ANK3: variants seen among roughly 807,000 people sequenced by gnomAD.
ANK3 encodes the protein ankyrin-3.
Under a neutral mutation model 370.9 loss-of-function variants are expected in ANK3, and 57 were observed. The observed-to-expected ratio is 0.15, with a 90% CI of 0.12 to 0.19. The LOEUF is 0.19. Among genes scored for constraint, ANK3 ranks in the 10% least tolerant of loss-of-function variants. The pLI is 1.00. For missense variants in ANK3, 4,439 were observed against 5,302.1 expected (o/e 0.84, Z 5.06); for synonymous variants, 1,929 against 1,946.3 (o/e 0.99, Z 0.23).
intron 8 of ANK3, among the ~76,000 whole-genome samples, chr10:60,229,822 G>T (rs1035055954): frequency 6.6e-6 from 1 of 152,132 alleles, no homozygotes; most frequent in Admixed American, 6.5e-5. Flanking sequence ...CATTTAATAT[G>T]CACCAGGAAG....
At chr10:60,176,890 A>G (rs182038725) in intron 18 of ANK3, among the ~76,000 whole-genome samples, 175 of 152,306 alleles carry the variant, frequency 1.1e-3, no homozygotes, top group African/African-American at 4.1e-3. Flanking sequence ...TTTCCATCTT[A>G]GAAACAAAAA....
rs34300671 is a variant in ANK3, at chr10:60,469,601, GTATATA to G, written c.96+145579_96+145584del. Among the ~76,000 whole-genome samples the G allele has an allele frequency of 1.2e-3, 3 of 2,600 alleles. 1 individual carries two copies. Among genetic ancestry groups the G allele is most frequent in the Non-Finnish European group, 1.7e-3 (3 of 1,766 alleles). The allele number at this position is 2,600 out of a possible 152,430, so 1.7% of individuals were successfully genotyped here. A position where few individuals can be genotyped will look rare whatever the true frequency, so the allele number is the denominator to read the frequency against. ...TATATATATATATATATATATGGTG[GTATATA>G]TATATATATATATGGTGGTATATAT... On this transcript the variant is annotated intron_variant, in intron 2 of 43. Coordinates refer to the ANK3 transcript ENST00000373827.
chr10:60,500,806 G>T (rs2075776802), intron 2 of ANK3, among the ~76,000 whole-genome samples: 2 of 152,078 alleles, frequency 1.3e-5, no homozygotes, highest in Admixed American at 6.6e-5. Flanking sequence ...GCACTAGAGG[G>T]TATTAATATT....
chr10:60,667,493 G>T (rs1453304359), intron 1 of ANK3, among the ~76,000 whole-genome samples: 1 of 146,572 alleles, frequency 6.8e-6, no homozygotes, highest in Non-Finnish European at 1.5e-5. Context: ...GAAACCAAAT[G>T]ATATAAAAAT....
At chr10:60,084,865 G>A in intron 31 of ANK3, 35 bp from the exon 32 acceptor site, 4 of 1,452,464 alleles carry the variant, frequency 2.8e-6, no homozygotes, top group Non-Finnish European at 1.8e-6. Flanking sequence ...ATGAAAATGT[G>A]GCTATTTAAA....
chr10:60,508,873 T>C (rs2076007004), intron 2 of ANK3, among the ~76,000 whole-genome samples: 1 of 152,164 alleles, frequency 6.6e-6, no homozygotes, highest in African/African-American at 2.4e-5. Flanking sequence ...TATGGTGAGT[T>C]CATAAACAAT....
rs2131970999 is a variant in ANK3 at position 60,071,283 on chromosome 10, T to C, written c.9598A>G (p.Ile3200Val). ...IAYIPGKPSPIPEVSEESEEE... is the reference protein window; with the variant it reads ...IAYIPGKPSPVPEVSEESEEE... ...TCTGACTCCTCAGAAACCTCGGGAATTGGGCTGGGTTTGCCTGGTATATAA... is the reference window on the plus strand; with the variant it reads ...TCTGACTCCTCAGAAACCTCGGGAACTGGGCTGGGTTTGCCTGGTATATAA... The change falls in exon 37 of 44, where the codon ATT becomes GTT. Residue 3200 changes from isoleucine (I) to valine (V), a missense_variant. Coordinates refer to ENST00000280772, the MANE Select transcript of ANK3 (RefSeq NM_020987.5). 1 of 1,614,144 alleles carries C rather than the reference T, an allele frequency of 6.2e-7. No homozygotes were observed. The highest frequency in any genetic ancestry group is 8.5e-7 in the Non-Finnish European group (1 of 1,180,000).
intron 1 of ANK3, among the ~76,000 whole-genome samples, chr10:60,375,449 TG>T (rs2060645774): frequency 6.8e-6 from 1 of 147,730 alleles, no homozygotes; most frequent in South Asian, 2.1e-4. Flanking sequence ...GCACTGCCAG[TG>T]GGAGGCCTTT....
At chr10:60,286,033 T>C (rs573558493) in intron 1 of ANK3, among the ~76,000 whole-genome samples, 2 of 152,184 alleles carry the variant, frequency 1.3e-5, no homozygotes, top group African/African-American at 2.4e-5. Context: ...TTAAAAAAAG[T>C]ATTTATCTGA....
intron 2 of ANK3, among the ~76,000 whole-genome samples, chr10:60,526,327 T>G (rs1384775923): frequency 6.6e-6 from 1 of 152,156 alleles, no homozygotes; most frequent in Non-Finnish European, 1.5e-5. Context: ...ATCAATGTTA[T>G]TGGAACAATG....
At chr10:60,514,191 C>T (rs1306165073) in intron 2 of ANK3, among the ~76,000 whole-genome samples, 1 of 152,028 alleles carries the variant, frequency 6.6e-6, no homozygotes, top group South Asian at 2.1e-4. Flanking sequence ...GTAAGGCTGC[C>T]CGTCAACAGT....
At chr10:60,458,770 G>A (rs953334607) in intron 2 of ANK3, among the ~76,000 whole-genome samples, 1 of 152,138 alleles carries the variant, frequency 6.6e-6, no homozygotes, top group African/African-American at 2.4e-5. Context: ...AGATTTACAT[G>A]AGGCTCCCAA....
chr10:60,281,604 T>A (rs1283458750), intron 1 of ANK3, among the ~76,000 whole-genome samples: 1 of 152,204 alleles, frequency 6.6e-6, no homozygotes. Flanking sequence ...ACTGGAAGCA[T>A]TCTTGGCATA....
Position 60,263,830 on chromosome 10 carries a change from C to T in ANK3, c.699+5G>A. ...CATGACAGGCCCGTGTCCCTCGTGC[C>T]TCACCTTTGATTCCACATCTGCATT... On this transcript the variant is annotated splice_donor_5th_base_variant and intron_variant, in intron 6 of 43. Transcript: ENST00000280772. 1 of 1,613,616 alleles carries T rather than the reference C, an allele frequency of 6.2e-7. No homozygotes were observed. Among genetic ancestry groups the T allele is most frequent in the Non-Finnish European group, 8.5e-7 (1 of 1,179,974 alleles).
Position 60,296,653 on chromosome 10 carries a change from G to A in ANK3, c.115-17014C>T, listed in dbSNP as rs568013497. Among the ~76,000 whole-genome samples the A allele has an allele frequency of 2.0e-5, 3 of 151,978 alleles. 1 individual carries two copies. The highest frequency in any genetic ancestry group is 7.3e-5 in the African/African-American group (3 of 41,360). The stretch of plus-strand genomic sequence containing the variant: ...AATACATATTATATTCCAGGTTTTG[G>A]GGATCAAATAATGAGCAAGTCACAG... On this transcript the variant is annotated intron_variant, in intron 1 of 43. Transcript: ENST00000280772.
chr10:60,251,419 T>G (rs2097663253), intron 7 of ANK3, among the ~76,000 whole-genome samples: 1 of 152,186 alleles, frequency 6.6e-6, no homozygotes, highest in Non-Finnish European at 1.5e-5. Flanking sequence ...GCATGTCTGA[T>G]GGGTGCATCA....
chr10:60,289,498 A>C (rs935329012), intron 1 of ANK3, among the ~76,000 whole-genome samples: 2 of 151,194 alleles, frequency 1.3e-5, no homozygotes, highest in African/African-American at 4.9e-5. Flanking sequence ...TGTAGCCTCG[A>C]TCTCCCCAGG....
Position 60,306,451 on chromosome 10 carries a change from A to C in ANK3, c.115-26812T>G, listed in dbSNP as rs757888695. Among the ~76,000 whole-genome samples, 57 of 28,210 alleles carry C rather than the reference A, an allele frequency of 2.0e-3. 1 individual carries two copies. In the East Asian group the frequency reaches 0.025, roughly 12 times the overall value. The allele number at this position is 28,210 out of a possible 152,430, so 18.5% of individuals were successfully genotyped here. A position where few individuals can be genotyped will look rare whatever the true frequency, so the allele number is the denominator to read the frequency against. On this transcript the variant is annotated intron_variant, in intron 1 of 43. Coordinates refer to ENST00000280772, the MANE Select transcript of ANK3 (RefSeq NM_020987.5). ...TGCATATATATATATATATATATATATATCTATCTTTATCCACTTGTTGGC... is the reference window on the plus strand; with the variant it reads ...TGCATATATATATATATATATATATCTATCTATCTTTATCCACTTGTTGGC...
intron 1 of ANK3, among the ~76,000 whole-genome samples, chr10:60,708,366 G>A (rs1167305760): frequency 6.6e-6 from 1 of 152,188 alleles, no homozygotes; most frequent in African/African-American, 2.4e-5. Context: ...CACCAAAGGT[G>A]AGAAAACAAA....
Sources: gnomAD v4.1 joint callset for allele counts (sites outside exome capture counted in the v4.1 genomes callset) on GRCh38, gnomAD v4.1.1 for gene constraint, MANE v1.5 for transcripts, NCBI Gene and HGNC (gene_info 2026-07-23, HGNC 2026-07-21) for gene names.